Variants in RASGRF2 observed in about 807,000 individuals in gnomAD.
RASGRF2 encodes Ras protein specific guanine nucleotide releasing factor 2.
In RASGRF2, 76 loss-of-function variants were observed where a neutral mutation model predicts 151.0. The observed-to-expected ratio is 0.50, with a 90% confidence interval of 0.42 to 0.61. The LOEUF (loss-of-function observed/expected upper bound fraction) is 0.61. Among genes scored for constraint, RASGRF2 ranks in the 20% least tolerant of loss-of-function variants. The pLI is 0.00. For missense variants in RASGRF2, 1,148 were observed against 1,564.6 expected (o/e 0.73, Z 4.49); for synonymous variants, 504 against 566.5 (o/e 0.89, Z 1.57).
At chr5:81,057,271 G>A (rs1751250386) in intron 2 of RASGRF2, among the ~76,000 whole-genome samples, 1 of 152,182 alleles carries the variant, frequency 6.6e-6, no homozygotes, top group South Asian at 2.1e-4. Flanking sequence ...GCTGGTACCA[G>A]TTGTTCCTTT....
chr5:81,191,996 C>T (rs1178864143), intron 18 of RASGRF2, among the ~76,000 whole-genome samples: 1 of 152,172 alleles, frequency 6.6e-6, no homozygotes, highest in Non-Finnish European at 1.5e-5. Flanking sequence ...GTGCCTTCTC[C>T]CCGTAGCCTC....
Position 81,042,898 on chromosome 5 carries a change from G to A in RASGRF2, c.310G>A (p.Gly104Ser). 1 of 1,611,332 alleles carries A rather than the reference G, an allele frequency of 6.2e-7. No individual in the cohort carries two copies. The highest frequency in any genetic ancestry group is 8.5e-7 in the Non-Finnish European group (1 of 1,179,082). The change falls in exon 2 of 27, where the codon GGC becomes AGC. Residue 104 changes from glycine (G) to serine (S), a missense_variant. Coordinates refer to ENST00000265080, the MANE Select transcript of RASGRF2 (RefSeq NM_006909.3). ...DKQYYFTVLF[G>S]HEGQKPLELR... ...CCAGTATTACTTTACTGTTCTTTTT[G>A]GCCATGAAGGTCAGAAGCCACTGGA...
rs556487299 is a variant in RASGRF2 at position 81,087,315 on chromosome 5, T to TG, written c.1390+363dup. ...CCCAGGCCAAGGCCCAGGAGAAACT[T>TG]GCGTTGCTCAAAGCCCTTTCACATA... is the stretch of plus-strand genomic sequence containing the variant. On this transcript the variant is annotated intron_variant, in intron 9 of 26. Coordinates refer to ENST00000265080, the MANE Select transcript of RASGRF2 (RefSeq NM_006909.3). 216 of 703,032 alleles carry TG rather than the reference T, an allele frequency of 3.1e-4. No individual in the cohort carries two copies. In the East Asian group the frequency reaches 5.6e-3, roughly 18 times the overall value. 43.5% of individuals were successfully genotyped at this position (703,032 alleles called of 1,614,324 possible). A position where few individuals can be genotyped will look rare whatever the true frequency, so the allele number is the denominator to read the frequency against.
rs768363713 is a variant in RASGRF2 at position 81,112,895 on chromosome 5, T to C, written c.2087+37T>C. Reference sequence around the variant, plus strand: ...GCTAGAGGTTAGCCTGTCATTCGCATATGGCCCTCTTCGTTCCGGAGTCAC... The same window carrying C: ...GCTAGAGGTTAGCCTGTCATTCGCACATGGCCCTCTTCGTTCCGGAGTCAC... On this transcript the variant is annotated intron_variant, in intron 14 of 26. Transcript: ENST00000265080. 2.1e-5 allele frequency: 34 copies of C among 1,612,620 alleles called. No individual in the cohort carries two copies. In the East Asian group the frequency reaches 7.1e-4, roughly 34 times the overall value.
intron 1 of RASGRF2, among the ~76,000 whole-genome samples, chr5:81,008,139 CTTTTTTTTTTTTTT>C (rs58105434): frequency 1.6e-4 from 14 of 85,384 alleles, no homozygotes; most frequent in Non-Finnish European, 1.8e-4. Flanking sequence ...TCTTTCTTTC[CTTTTTTTTTTTTTT>C]TTTTTTTTTT....
At chr5:81,197,499 G>T (rs1222809025) in intron 18 of RASGRF2, among the ~76,000 whole-genome samples, 1 of 148,096 alleles carries the variant, frequency 6.8e-6, no homozygotes, top group African/African-American at 2.5e-5. Context: ...TAAAATATTG[G>T]GAATAACTTA....
chr5:81,035,936 A>C (rs1028403422), intron 1 of RASGRF2, among the ~76,000 whole-genome samples: 1 of 152,216 alleles, frequency 6.6e-6, no homozygotes, highest in African/African-American at 2.4e-5. Context: ...TCCAAATAAC[A>C]GATGTAAAAA....
At chr5:81,025,120 CTGGG>C (rs1387313608) in intron 1 of RASGRF2, among the ~76,000 whole-genome samples, 2 of 152,352 alleles carry the variant, frequency 1.3e-5, no homozygotes, top group African/African-American at 4.8e-5. Context: ...CTCCTTGGCA[CTGGG>C]TGGGATTCCT....
At chr5:81,064,136 T>A (rs577418283) in intron 2 of RASGRF2, among the ~76,000 whole-genome samples, 40 of 152,344 alleles carry the variant, frequency 2.6e-4, no homozygotes, top group Admixed American at 5.9e-4. Flanking sequence ...CTCATCTGAA[T>A]GCACAACTGG....
chr5:80,989,839 T>C (rs1748591402), intron 1 of RASGRF2, among the ~76,000 whole-genome samples: 1 of 152,226 alleles, frequency 6.6e-6, no homozygotes, highest in South Asian at 2.1e-4. Flanking sequence ...TTGTTAAACT[T>C]AGTATAATTA....
At chr5:81,101,179 T>C (rs1403768143) in intron 12 of RASGRF2, among the ~76,000 whole-genome samples, 1 of 152,214 alleles carries the variant, frequency 6.6e-6, no homozygotes, top group Non-Finnish European at 1.5e-5. Context: ...ATTAAAGATA[T>C]CTGAAACCCT....
chr5:81,070,714 C>A, intron 4 of RASGRF2, 133 bp downstream of exon 4: 2 of 679,296 alleles, frequency 2.9e-6, no homozygotes, highest in Non-Finnish European at 5.0e-6. Context: ...CAGACTTGCC[C>A]TGCAGAGTGA....
At chr5:80,987,452 C>A (rs1380341805) in intron 1 of RASGRF2, among the ~76,000 whole-genome samples, 1 of 152,140 alleles carries the variant, frequency 6.6e-6, no homozygotes, top group Non-Finnish European at 1.5e-5. Flanking sequence ...GTAGTTCAGT[C>A]GTTTGAATTC....
chr5:81,107,673 A>G (rs965016616), intron 12 of RASGRF2, among the ~76,000 whole-genome samples: 1 of 152,140 alleles, frequency 6.6e-6, no homozygotes, highest in Non-Finnish European at 1.5e-5. Flanking sequence ...TTTCTCACTT[A>G]TCTTGACTCT....
At chr5:81,217,570 T>G in intron 25 of RASGRF2, 97 bp downstream of exon 25, 3 of 522,414 alleles carry the variant, frequency 5.7e-6, no homozygotes, top group Non-Finnish European at 5.6e-6. Flanking sequence ...TTTTTTTTTC[T>G]CTTCTTTTTT....
chr5:81,066,040 C>T (rs1279653387), intron 2 of RASGRF2, among the ~76,000 whole-genome samples: 2 of 152,052 alleles, frequency 1.3e-5, no homozygotes, highest in African/African-American at 2.4e-5. Context: ...GAAAATACTG[C>T]TTTGCTACCT....
intron 19 of RASGRF2, among the ~76,000 whole-genome samples, chr5:81,203,404 T>C (rs1035914963): frequency 3.9e-5 from 6 of 152,184 alleles, no homozygotes; most frequent in African/African-American, 1.4e-4. Flanking sequence ...TTCTGAGAGC[T>C]TTCTCTCTGC....
chr5:81,056,506 C>G (rs1038571035), intron 2 of RASGRF2, among the ~76,000 whole-genome samples: 15 of 152,092 alleles, frequency 9.9e-5, no homozygotes, highest in Non-Finnish European at 2.2e-4. Flanking sequence ...TTTGTTATAA[C>G]TTCTGTTGTT....
chr5:81,053,388 C>G (rs1040460896), intron 2 of RASGRF2, among the ~76,000 whole-genome samples: 1 of 148,714 alleles, frequency 6.7e-6, no homozygotes, highest in Non-Finnish European at 1.5e-5. Context: ...TGGTTTTTTG[C>G]TCTTGCGATA....
Sources: gnomAD v4.1 joint callset for allele counts (sites outside exome capture counted in the v4.1 genomes callset) on GRCh38, gnomAD v4.1.1 for gene constraint, MANE v1.5 for transcripts, NCBI Gene and HGNC (gene_info 2026-07-23, HGNC 2026-07-21) for gene names.